Variants in TET2 observed in about 807,000 individuals in gnomAD.
TET2 encodes the protein tet methylcytosine dioxygenase 2, also known as methylcytosine dioxygenase TET2.
TET2 carries 299 observed loss-of-function variants against 142.9 expected under a neutral mutation model. The observed-to-expected ratio is 2.09, with a 90% confidence interval of 1.90 to 2.30. The LOEUF (loss-of-function observed/expected upper bound fraction) is 2.30, where lower values mean the gene tolerates loss of function less well. Ranked by LOEUF, TET2 falls within the 30% of genes most tolerant of loss-of-function variation. The probability of loss-of-function intolerance (pLI) is 0.00; values close to 1 mark genes in which losing one functional copy is unlikely to be tolerated. For missense variants in TET2, 2,418 were observed against 2,378.0 expected (o/e 1.02, Z -0.35); for synonymous variants, 819 against 849.0 (o/e 0.96, Z 0.61).
chr4:105,255,960 A>C (rs1203077820), intron 6 of TET2, among the ~76,000 whole-genome samples: 1 of 152,128 alleles, frequency 6.6e-6, no homozygotes. Flanking sequence ...CAACTAACTT[A>C]TAACAGCTAG....
At chr4:105,155,106 T>C (rs1352228036) in intron 1 of TET2, among the ~76,000 whole-genome samples, 1 of 152,148 alleles carries the variant, frequency 6.6e-6, no homozygotes, top group Non-Finnish European at 1.5e-5. Context: ...AACAAATTAC[T>C]AGATTTGGGG....
chr4:105,149,877 C>T (rs1225169474), intron 1 of TET2, among the ~76,000 whole-genome samples: 2 of 152,196 alleles, frequency 1.3e-5, no homozygotes, highest in Non-Finnish European at 1.5e-5. Flanking sequence ...ACTTCCAGAA[C>T]AAGTGAAGTG....
chr4:105,153,673 C>A (rs542523571), intron 1 of TET2, among the ~76,000 whole-genome samples: 1 of 152,198 alleles, frequency 6.6e-6, no homozygotes, highest in Non-Finnish European at 1.5e-5. Flanking sequence ...ACAGCCTATA[C>A]ATGGCTTAGG....
intron 2 of TET2, among the ~76,000 whole-genome samples, chr4:105,202,083 T>G (rs75339908): frequency 6.6e-6 from 1 of 152,190 alleles, no homozygotes; most frequent in East Asian, 1.9e-4. Context: ...TCTTCCAGGT[T>G]TTTATGTCCT....
Position 105,275,534 on chromosome 4 carries a change from T to TC in TET2, c.5026dup (p.His1676ProfsTer11). On this transcript the variant is annotated frameshift_variant, in exon 11 of 11. Coordinates refer to ENST00000380013, the MANE Select transcript of TET2 (RefSeq NM_001127208.3). LOFTEE classifies it low-confidence loss of function (END_TRUNC). The stretch of plus-strand genomic sequence containing the variant: ...CTGTCTAAGCTCAGTCTACCACCCA[T>TC]CCATACACTTTACCAGCCAAGGTTT... 6.4e-7 allele frequency: 1 copy of TC among 1,551,658 alleles called. No individual in the cohort carries two copies. The highest frequency in any genetic ancestry group is 8.7e-7 in the Non-Finnish European group (1 of 1,146,972).
intron 4 of TET2, chr4:105,242,521 G>T: frequency 8.8e-7 from 1 of 1,140,128 alleles, no homozygotes; most frequent in Non-Finnish European, 1.1e-6. Flanking sequence ...TTAGAAGACT[G>T]AACTTAGCAA....
chr4:105,187,573 C>T (rs1241247171), intron 1 of TET2, among the ~76,000 whole-genome samples: 1 of 152,214 alleles, frequency 6.6e-6, no homozygotes, highest in Non-Finnish European at 1.5e-5. Flanking sequence ...TCATTAGTAG[C>T]ATCATTCTTT....
intron 1 of TET2, among the ~76,000 whole-genome samples, chr4:105,154,861 C>CA (rs2110356381): frequency 6.6e-6 from 1 of 152,040 alleles, no homozygotes; most frequent in South Asian, 2.1e-4. Context: ...CCCATCCCTA[C>CA]AAAAAATGCA....
chr4:105,272,910 A>G lies in TET2; in HGVS notation c.4529A>G (p.Gln1510Arg). The change falls in exon 10 of 11, where the codon CAG (glutamine) becomes CGG (arginine). Residue 1510 changes from glutamine to arginine, a missense_variant. Physicochemically the swap from Gln to Arg is conservative, Grantham distance 43. Transcript: ENST00000380013. Reference protein sequence around the residue: ...KQTENASQAKQLAELLRLSGP... With the variant: ...KQTENASQAKRLAELLRLSGP... ...ACTGAAAACGCAAGCCAGGCTAAACAGTTGGCAGGTAAATTTAATGTAAAG... is the reference window on the plus strand; with the variant it reads ...ACTGAAAACGCAAGCCAGGCTAAACGGTTGGCAGGTAAATTTAATGTAAAG... 1.3e-6 allele frequency: 2 copies of G among 1,524,888 alleles called. No individual in the cohort carries two copies. The highest frequency in any genetic ancestry group is 1.8e-6 in the Non-Finnish European group (2 of 1,136,472). 94.5% of individuals were successfully genotyped at this position (1,524,888 alleles called of 1,614,324 possible).
intron 6 of TET2, among the ~76,000 whole-genome samples, chr4:105,248,682 T>C (rs1417050573): frequency 1.3e-5 from 2 of 152,310 alleles, no homozygotes; most frequent in East Asian, 3.9e-4. Context: ...AAATTTACCC[T>C]TTTAAAGTAT....
chr4:105,245,177 T>C (rs1272892366), intron 6 of TET2, among the ~76,000 whole-genome samples: 1 of 152,228 alleles, frequency 6.6e-6, no homozygotes, highest in Non-Finnish European at 1.5e-5. Context: ...TTACTCTTTC[T>C]ATATGAAAGT....
Position 105,235,492 on chromosome 4 carries a change from C to G in TET2, c.1550C>G (p.Pro517Arg). 1 of 1,614,100 alleles carries G rather than the reference C, an allele frequency of 6.2e-7. No homozygotes were observed. The highest frequency in any genetic ancestry group is 8.5e-7 in the Non-Finnish European group (1 of 1,180,012). Residue 517 changes from proline to arginine, a missense_variant, in exon 3 of 11, where the codon CCA (proline) becomes CGA (arginine). Pro to Arg is a moderately radical substitution (Grantham distance 103). Coordinates refer to ENST00000380013, the MANE Select transcript of TET2 (RefSeq NM_001127208.3). The part of the protein sequence containing the change: ...PMSEHLKHNP[P>R]IFGSSGELQD... ...TCAGAACACCTCAAGCATAACCCAC[C>G]AATTTTTGGTAGCAGTGGAGAGCTA... is the stretch of plus-strand genomic sequence containing the variant.
chr4:105,176,745 TTATGGA>T (rs796751746), intron 1 of TET2, among the ~76,000 whole-genome samples: 9 of 152,280 alleles, frequency 5.9e-5, no homozygotes, highest in African/African-American at 2.2e-4. Context: ...GCACGATATT[TTATGGA>T]TATCAACAAA....
intron 2 of TET2, among the ~76,000 whole-genome samples, chr4:105,196,790 G>C (rs985449162): frequency 6.6e-6 from 1 of 152,032 alleles, no homozygotes; most frequent in South Asian, 2.1e-4. Context: ...AATTCCTAGG[G>C]CAAAGGCTGC....
chr4:105,260,416 G>A (rs1032625), intron 7 of TET2, among the ~76,000 whole-genome samples: 64,293 of 151,148 alleles, frequency 0.43, 14,393 homozygotes, highest in Non-Finnish European at 0.52. Flanking sequence ...TAAATCCGTT[G>A]TAAAATGAAA....
intron 6 of TET2, among the ~76,000 whole-genome samples, chr4:105,253,879 T>G (rs1343191178): frequency 6.6e-6 from 1 of 152,206 alleles, no homozygotes; most frequent in African/African-American, 2.4e-5. Flanking sequence ...TTGAAAATCA[T>G]TAATCAGTGT....
In TET2 at chr4:105,272,717, G is replaced by T; in HGVS notation, c.4336G>T (p.Val1446Leu). 6.4e-7 allele frequency: 1 copy of T among 1,551,718 alleles called. No homozygotes were observed. Among genetic ancestry groups the T allele is most frequent in the Non-Finnish European group, 8.7e-7 (1 of 1,146,994 alleles). Residue 1446 changes from valine to leucine, a missense_variant, in exon 10 of 11, where the codon GTA (valine) becomes TTA (leucine). Transcript: ENST00000380013. Reference sequence around the variant, plus strand: ...GAAAAAACGGAGTGGTGCCATTCAGGTACTGAGTTCTTTTCGGCGAAAAGT... The same window carrying T: ...GAAAAAACGGAGTGGTGCCATTCAGTTACTGAGTTCTTTTCGGCGAAAAGT... ...EEKKRSGAIQ[V>L]LSSFRRKVRM...
Position 105,276,755 on chromosome 4 carries a change from A to C in TET2, c.*236A>C. On this transcript the variant is annotated 3_prime_UTR_variant, in exon 11 of 11. Transcript: ENST00000380013. ...AAAAGACCAAAGCATTCTATGCAAA[A>C]AGAAGGTGGGGAAGAAAGTGTTCCG... The C allele has an allele frequency of 2.2e-6, 1 of 454,816 alleles. No homozygotes were observed. The highest frequency in any genetic ancestry group is 3.9e-6 in the Non-Finnish European group (1 of 257,852). 28.2% of individuals were successfully genotyped at this position (454,816 alleles called of 1,614,324 possible). A position where few individuals can be genotyped will look rare whatever the true frequency, so the allele number is the denominator to read the frequency against.
At chr4:105,164,628 G>A (rs1035998959) in intron 1 of TET2, among the ~76,000 whole-genome samples, 3 of 152,148 alleles carry the variant, frequency 2.0e-5, no homozygotes, top group Non-Finnish European at 4.4e-5. Flanking sequence ...AAAGCATAAT[G>A]AGATGAAAAT....
Sources: gnomAD v4.1 joint callset for allele counts (sites outside exome capture counted in the v4.1 genomes callset) on GRCh38, gnomAD v4.1.1 for gene constraint, MANE v1.5 for transcripts, NCBI Gene and HGNC (gene_info 2026-07-23, HGNC 2026-07-21) for gene names.